CSMD1: variants seen among roughly 807,000 people sequenced by gnomAD.
CSMD1 encodes the protein CUB and sushi domain-containing protein 1.
Under a neutral mutation model 417.5 loss-of-function variants are expected in CSMD1, and 213 were observed. The ratio of observed to expected loss-of-function variants is 0.51; its 90% CI spans 0.46 to 0.57. The LOEUF (loss-of-function observed/expected upper bound fraction) is 0.57, where lower values mean the gene tolerates loss of function less well. Ranked by LOEUF, CSMD1 falls within the 20% of genes least tolerant of loss-of-function variation. CSMD1 has a pLI of 0.00. For synonymous variants in CSMD1, 2,862 were observed against 1,736.8 expected, an observed-to-expected ratio of 1.65 and a Z score of -16.11; for missense variants, 6,923 against 4,529.7, an observed-to-expected ratio of 1.53 and a Z score of -15.17.
intron 1 of CSMD1, among the ~76,000 whole-genome samples, chr8:4,674,185 C>A (rs954813429): frequency 6.6e-6 from 1 of 152,062 alleles, no homozygotes; most frequent in South Asian, 2.1e-4. Context: ...AATGGTCAGA[C>A]CTCAAAATTT....
At chr8:4,390,670 C>T (rs1047266968) in intron 3 of CSMD1, among the ~76,000 whole-genome samples, 8 of 151,810 alleles carry the variant, frequency 5.3e-5, no homozygotes, top group South Asian at 2.1e-4. Context: ...CCCCCCACCA[C>T]GCCCGGCTAA....
chr8:4,187,676 CAAAAA>C (rs34858860), intron 3 of CSMD1, among the ~76,000 whole-genome samples: 1 of 88,510 alleles, frequency 1.1e-5, no homozygotes, highest in African/African-American at 4.5e-5. Flanking sequence ...AACTCCGTCT[CAAAAA>C]AAAAAAAAAA....
Position 2,989,845 on chromosome 8 carries a change from G to A in CSMD1, c.8377+8166C>T, listed in dbSNP as rs184500432. ...TTTGTGTCCAATGCACAGATGCCAC[G>A]GCAGATTGGGTGAGTCTTCCTAGCT... On this transcript the variant is annotated intron_variant, in intron 54 of 69. Coordinates refer to ENST00000635120, the MANE Select transcript of CSMD1 (RefSeq NM_033225.6). Among the ~76,000 whole-genome samples the A allele has an allele frequency of 5.4e-4, 82 of 152,262 alleles. No homozygotes were observed. In the East Asian group the frequency reaches 6.9e-3, roughly 13 times the overall value.
Position 4,637,572 on chromosome 8 carries a change from C to T in CSMD1, c.86-14G>A, listed in dbSNP as rs776574564. ...CACAGTTCTGACCTGGAAGAGAAAA[C>T]ACACACAAAAAAGCATATTATTCTG... On this transcript the variant is annotated splice_polypyrimidine_tract_variant and intron_variant, in intron 1 of 69. Transcript: ENST00000635120. The T allele has an allele frequency of 1.3e-6, 2 of 1,549,144 alleles. No homozygotes were observed. Among genetic ancestry groups the T allele is most frequent in the Non-Finnish European group, 1.8e-6 (2 of 1,136,062 alleles).
intron 7 of CSMD1, among the ~76,000 whole-genome samples, chr8:3,674,089 G>A (rs905211870): frequency 6.6e-6 from 1 of 151,882 alleles, no homozygotes; most frequent in Non-Finnish European, 1.5e-5. Flanking sequence ...TTGAGTGACA[G>A]AGTGAGACTC....
chr8:4,472,111 T>C (rs2130059757), intron 2 of CSMD1, among the ~76,000 whole-genome samples: 1 of 152,342 alleles, frequency 6.6e-6, no homozygotes, highest in Middle Eastern at 3.4e-3. Flanking sequence ...TAAAGAATGC[T>C]TTAATTCTTT....
chr8:4,985,335 A>T (rs1418443634), intron 1 of CSMD1, among the ~76,000 whole-genome samples: 3 of 150,466 alleles, frequency 2.0e-5, no homozygotes, highest in African/African-American at 4.9e-5. Flanking sequence ...TATGTAACAA[A>T]ACTTCATATC....
At chr8:4,774,123 C>G (rs1039647375) in intron 1 of CSMD1, among the ~76,000 whole-genome samples, 1 of 152,128 alleles carries the variant, frequency 6.6e-6, no homozygotes, top group Admixed American at 6.6e-5. Flanking sequence ...TCACTTGAAC[C>G]CAGGAGGTGG....
chr8:4,785,849 G>A (rs1300999782), intron 1 of CSMD1, among the ~76,000 whole-genome samples: 1 of 152,124 alleles, frequency 6.6e-6, no homozygotes, highest in African/African-American at 2.4e-5. Context: ...GATTAAAGAT[G>A]TTCTTCATGA....
At chr8:4,958,225 AAG>A (rs1365882175) in intron 1 of CSMD1, among the ~76,000 whole-genome samples, 2 of 152,196 alleles carry the variant, frequency 1.3e-5, no homozygotes, top group Non-Finnish European at 2.9e-5. Context: ...AGTTTTCATG[AAG>A]AGTCAATATA....
chr8:4,260,054 G>T (rs977633711), intron 3 of CSMD1, among the ~76,000 whole-genome samples: 5 of 151,870 alleles, frequency 3.3e-5, no homozygotes, highest in Non-Finnish European at 5.9e-5. Flanking sequence ...TACTTGAAAG[G>T]GAAGTGTTGT....
intron 5 of CSMD1, among the ~76,000 whole-genome samples, chr8:3,759,337 C>A (rs1197915108): frequency 6.6e-6 from 1 of 152,146 alleles, no homozygotes; most frequent in Admixed American, 6.5e-5. Context: ...AAATATGGTA[C>A]AATGTGACAC....
intron 1 of CSMD1, among the ~76,000 whole-genome samples, chr8:4,740,381 T>G (rs984478970): frequency 6.6e-6 from 1 of 152,164 alleles, no homozygotes; most frequent in Non-Finnish European, 1.5e-5. Context: ...AATACAGTAT[T>G]AGAATGAGGA....
At chr8:3,965,166 A>T (rs950664977) in intron 5 of CSMD1, among the ~76,000 whole-genome samples, 1 of 152,186 alleles carries the variant, frequency 6.6e-6, no homozygotes, top group East Asian at 1.9e-4. Context: ...GCTTTTTAAC[A>T]GTAAGAGTTC....
At chr8:3,239,683 G>A (rs551457803) in intron 26 of CSMD1, among the ~76,000 whole-genome samples, 35 of 152,310 alleles carry the variant, frequency 2.3e-4, no homozygotes, top group African/African-American at 8.2e-4. Flanking sequence ...TCTAAGAGGC[G>A]GGCTAGTGGC....
In CSMD1 at chr8:3,427,213, C is replaced by T. The variant is rs774427185; in HGVS notation, c.1562-17608G>A. 3.9e-4 allele frequency among the ~76,000 whole-genome samples: 60 copies of T among 152,094 alleles called. 2 individuals carry two copies. The highest frequency in any genetic ancestry group is 1.4e-3 in the African/African-American group (59 of 41,412). On this transcript the variant is annotated intron_variant, in intron 12 of 69. Transcript: ENST00000635120. ...CAGCCAAACTATATCACTGAATAAG[C>T]ATAACAAGAACTGGTCAGATTTTAT...
chr8:3,533,422 C>T (rs1244042030), intron 10 of CSMD1, among the ~76,000 whole-genome samples: 1 of 152,176 alleles, frequency 6.6e-6, no homozygotes, highest in Non-Finnish European at 1.5e-5. Context: ...AGTGGTTTGA[C>T]TCTGTCAGCG....
At chr8:3,081,074 A>T (rs1186211041) in intron 49 of CSMD1, among the ~76,000 whole-genome samples, 1 of 152,244 alleles carries the variant, frequency 6.6e-6, no homozygotes, top group African/African-American at 2.4e-5. Flanking sequence ...CCAAATGGCT[A>T]CAAGGGGCAG....
At chr8:4,189,624 T>C (rs961599943) in intron 3 of CSMD1, among the ~76,000 whole-genome samples, 1 of 152,174 alleles carries the variant, frequency 6.6e-6, no homozygotes, top group Non-Finnish European at 1.5e-5. Context: ...CAAAGACCCC[T>C]AGCAAAGACC....
Sources: allele counts gnomAD v4.1 joint callset (sites outside exome capture counted in the v4.1 genomes callset), GRCh38; gene constraint gnomAD v4.1.1; transcripts MANE v1.5; gene names NCBI Gene and HGNC (gene_info 2026-07-23, HGNC 2026-07-21).